The following DNAJC21 variants were observed in gnomAD, a reference collection of about 807,000 sequenced individuals.
DNAJC21 encodes the protein dnaJ homolog subfamily C member 21.
A neutral mutation model predicts 72.4 loss-of-function variants in DNAJC21; 63 were observed. The ratio of observed to expected loss-of-function variants is 0.87; its 90% CI spans 0.71 to 1.07. The LOEUF is 1.07. Among genes scored for constraint, DNAJC21 ranks in the 50% least tolerant of loss-of-function variants. DNAJC21 has a pLI of 0.00. For synonymous variants in DNAJC21, 203 were observed against 216.7 expected (o/e 0.94, Z 0.56); for missense variants, 634 against 644.8 (o/e 0.98, Z 0.18).
intron 8 of DNAJC21, among the ~76,000 whole-genome samples, chr5:34,945,539 A>G (rs937374946): frequency 5.9e-5 from 9 of 152,234 alleles, no homozygotes; most frequent in Non-Finnish European, 1.2e-4. Flanking sequence ...TATACCTGGC[A>G]GTTGATAAGC....
intron 1 of DNAJC21, chr5:34,930,216 A>G (rs918825442): frequency 1.5e-5 from 3 of 204,122 alleles, no homozygotes; most frequent in African/African-American, 4.6e-5. Context: ...ACCGGGTCGC[A>G]GACACCACGA....
At chr5:34,944,627 G>T (rs1455393149) in intron 7 of DNAJC21, among the ~76,000 whole-genome samples, 1 of 152,030 alleles carries the variant, frequency 6.6e-6, no homozygotes, top group Non-Finnish European at 1.5e-5. Flanking sequence ...GCTGTGGTAC[G>T]GAAAGAAAGA....
chr5:34,952,123 ATGT>A (rs1765389750), intron 10 of DNAJC21: 18 of 946,442 alleles, frequency 1.9e-5, no homozygotes, highest in Non-Finnish European at 2.3e-5. Flanking sequence ...TTTTTAAAAA[ATGT>A]GTGTGTGTGT....
intron 10 of DNAJC21, among the ~76,000 whole-genome samples, chr5:34,952,956 C>T (rs894462435): frequency 9.9e-5 from 15 of 151,986 alleles, no homozygotes; most frequent in African/African-American, 3.6e-4. Context: ...CGAGACCATC[C>T]TGGCCAATAT....
intron 2 of DNAJC21, 51 bp from the exon 3 acceptor site, chr5:34,935,659 T>A: frequency 6.2e-7 from 1 of 1,607,278 alleles, no homozygotes; most frequent in Non-Finnish European, 8.5e-7. Flanking sequence ...GAAATCCTTT[T>A]GAATTCTTAC....
chr5:34,948,458 C>CT (rs1765244223), intron 9 of DNAJC21, among the ~76,000 whole-genome samples: 1 of 151,928 alleles, frequency 6.6e-6, no homozygotes, highest in Admixed American at 6.5e-5. Flanking sequence ...CAAGATCCAG[C>CT]TTGCGGGGCC....
intron 6 of DNAJC21, among the ~76,000 whole-genome samples, chr5:34,939,351 C>T (rs1404914936): frequency 3.9e-5 from 6 of 152,206 alleles, no homozygotes; most frequent in East Asian, 1.9e-4. Flanking sequence ...CTGCAAGCTC[C>T]GCTTCCTGGG....
chr5:34,941,679 G>C (rs1764997660), intron 7 of DNAJC21, among the ~76,000 whole-genome samples: 1 of 144,198 alleles, frequency 6.9e-6, no homozygotes, highest in Non-Finnish European at 1.5e-5. Flanking sequence ...CGATTCTCCT[G>C]CCTCAAGCTC....
At chr5:34,950,622 G>A (rs1016191628) in intron 10 of DNAJC21, 21 of 1,051,446 alleles carry the variant, frequency 2.0e-5, no homozygotes, top group South Asian at 7.7e-5. Flanking sequence ...CTGCTGTGGC[G>A]CTGATTTTGT....
chr5:34,950,022 C>T lies in DNAJC21; in HGVS notation c.1186-148C>T, dbSNP rs111551172. On this transcript the variant is annotated intron_variant, in intron 9 of 11. Coordinates refer to ENST00000648817, the MANE Select transcript of DNAJC21 (RefSeq NM_001012339.3). Reference sequence around the variant, plus strand: ...TTCTTTTCAGATTTCCCTTAATTTACTATCACTGTAATGAGCATCCATGTT... The same window carrying T: ...TTCTTTTCAGATTTCCCTTAATTTATTATCACTGTAATGAGCATCCATGTT... 1.0e-3 allele frequency: 917 copies of T among 909,100 alleles called. 8 individuals are homozygous for T. In the African/African-American group the frequency reaches 0.014, roughly 14 times the overall value. The allele number at this position is 909,100 out of a possible 1,614,324, so 56.3% of individuals were successfully genotyped here. A position where few individuals can be genotyped will look rare whatever the true frequency, so the allele number is the denominator to read the frequency against.
At chr5:34,945,051 A>G in intron 8 of DNAJC21, 26 bp downstream of exon 8, 2 of 1,604,908 alleles carry the variant, frequency 1.2e-6, no homozygotes, top group Non-Finnish European at 1.7e-6. Flanking sequence ...AAATGTCACT[A>G]GAAATACTTA....
In DNAJC21 at chr5:34,953,895, T is replaced by G. The variant is rs138058415; in HGVS notation, c.1359-31T>G. The G allele has an allele frequency of 1.1e-3, 1,685 of 1,570,490 alleles. 16 individuals are homozygous for G. The African/African-American group carries it at 0.021, about 19-fold the overall frequency. On this transcript the variant is annotated intron_variant, in intron 10 of 11. Transcript: ENST00000648817. ...TGATGGTTAAAAGGAGTATGTTATT[T>G]TTGGATTATGCTGAATTATTTATTT... is the stretch of plus-strand genomic sequence containing the variant.
At position 34,944,898 on chromosome 5, in the gene DNAJC21, C is replaced by G. The variant is rs368712421; in HGVS notation, c.1015C>G (p.Arg339Gly). 48 of 1,613,832 alleles carry G rather than the reference C, an allele frequency of 3.0e-5. No homozygotes were observed. Among genetic ancestry groups the G allele is most frequent in the Admixed American group, 6.7e-5 (4 of 59,966 alleles). The change falls in exon 8 of 12, where the codon CGG (arginine) becomes GGG (glycine). Residue 339 changes from arginine (R) to glycine (G), a missense_variant. Coordinates refer to ENST00000648817, the MANE Select transcript of DNAJC21 (RefSeq NM_001012339.3). ...MKNHEKSKKHREMVALLKQQL... is the reference protein window; with the variant it reads ...MKNHEKSKKHGEMVALLKQQL... The stretch of plus-strand genomic sequence containing the variant: ...GAATCACGAGAAGTCAAAGAAGCAT[C>G]GGGAAATGGTGGCCTTGCTAAAACA...
chr5:34,940,208 G>A (rs1284311996), intron 6 of DNAJC21, among the ~76,000 whole-genome samples: 1 of 152,124 alleles, frequency 6.6e-6, no homozygotes, highest in African/African-American at 2.4e-5. Context: ...TAGATCCAGA[G>A]TTTTTGCTTC....
Position 34,955,410 on chromosome 5 carries a change from C to CCT in DNAJC21, c.*698_*699dup, listed in dbSNP as rs919756028. 6.6e-6 allele frequency: 1 copy of CCT among 152,166 alleles called. No homozygotes were observed. Among genetic ancestry groups the CCT allele is most frequent in the Admixed American group, 6.5e-5 (1 of 15,274 alleles). The allele number at this position is 152,166 out of a possible 1,614,324, so 9.4% of individuals were successfully genotyped here. ...AAGCAAATTAGTTTACATGGCATGTCCTCCCTAGGCACAGTGACAGCTGTA... is the reference window on the plus strand; with the variant it reads ...AAGCAAATTAGTTTACATGGCATGTCCTCTCCCTAGGCACAGTGACAGCTGTA... On this transcript the variant is annotated 3_prime_UTR_variant, in exon 12 of 12. Coordinates refer to ENST00000648817, the MANE Select transcript of DNAJC21 (RefSeq NM_001012339.3).
At chr5:34,941,920 G>A (rs918374573) in intron 7 of DNAJC21, among the ~76,000 whole-genome samples, 10 of 151,728 alleles carry the variant, frequency 6.6e-5, no homozygotes, top group Admixed American at 3.9e-4. Flanking sequence ...TAAAAACAAT[G>A]TGCTTGTAGC....
At chr5:34,942,401 A>G (rs893994299) in intron 7 of DNAJC21, among the ~76,000 whole-genome samples, 1 of 152,174 alleles carries the variant, frequency 6.6e-6, no homozygotes, top group Non-Finnish European at 1.5e-5. Context: ...ATGGGCAATC[A>G]GAGAGAAAGG....
chr5:34,934,316 C>T (rs12523155), intron 2 of DNAJC21, among the ~76,000 whole-genome samples: 20,152 of 151,732 alleles, frequency 0.13, 1,504 homozygotes, highest in South Asian at 0.21. Context: ...GCAACCTCTG[C>T]CTCCCAGGTT....
Position 34,958,763 on chromosome 5 carries a change from A to G in DNAJC21, c.*4049A>G, listed in dbSNP as rs1198411986. 6.6e-6 allele frequency: 1 copy of G among 152,132 alleles called. No individual in the cohort carries two copies. Among genetic ancestry groups the G allele is most frequent in the African/African-American group, 2.4e-5 (1 of 41,444 alleles). The allele number at this position is 152,132 out of a possible 1,614,324, so 9.4% of individuals were successfully genotyped here. On this transcript the variant is annotated 3_prime_UTR_variant, in exon 12 of 12. Transcript: ENST00000648817. ...ACTTTTGGTCTCAAGATCCCTTTAC[A>G]CTCTTCAAAAGTGAGAACCCCAAAG...
Sources: gnomAD v4.1 joint callset for allele counts (sites outside exome capture counted in the v4.1 genomes callset) on GRCh38, gnomAD v4.1.1 for gene constraint, MANE v1.5 for transcripts, NCBI Gene and HGNC (gene_info 2026-07-23, HGNC 2026-07-21) for gene names.